Variants in GPHN observed in about 807,000 individuals in gnomAD.
The protein encoded by GPHN is gephyrin.
GPHN carries 17 observed loss-of-function variants against 95.5 expected under a neutral mutation model. The ratio of observed to expected loss-of-function variants is 0.18; its 90% CI spans 0.12 to 0.27. GPHN has a LOEUF of 0.27. GPHN is among the 10% of genes least tolerant of loss of function. The pLI is 1.00. For missense variants in GPHN, 660 were observed against 978.1 expected (o/e 0.67, Z 4.34); for synonymous variants, 320 against 322.5 (o/e 0.99, Z 0.08).
the GPHN span, among the ~76,000 whole-genome samples, chr14:67,402,629 A>G: frequency 6.6e-6 from 1 of 152,070 alleles, no homozygotes; most frequent in East Asian, 1.9e-4. Flanking sequence ...CTCTAAGTCC[A>G]TGAGTTGTTT....
chr14:67,034,497 A>G (rs1345794829), intron 10 of GPHN, among the ~76,000 whole-genome samples: 1 of 152,180 alleles, frequency 6.6e-6, no homozygotes, highest in East Asian at 1.9e-4. Flanking sequence ...GACAAAGTGA[A>G]TTAATGGATT....
rs145971101 is a variant in GPHN, at chr14:66,981,045, G to A, written c.963+15720G>A. On this transcript the variant is annotated intron_variant, in intron 9 of 22. Transcript: ENST00000478722. ...GCCTGGGCAACAAGAGTGAAACTCC[G>A]TCTCAAAAGAAAAAGATTTCCTAAG... is the stretch of plus-strand genomic sequence containing the variant. 1.5e-4 allele frequency among the ~76,000 whole-genome samples: 23 copies of A among 152,254 alleles called. No homozygotes were observed. The East Asian group carries it at 2.9e-3, about 19-fold the overall frequency.
the GPHN span, among the ~76,000 whole-genome samples, chr14:67,211,976 A>T: frequency 1.3e-5 from 2 of 152,264 alleles, no homozygotes; most frequent in African/African-American, 4.8e-5. Flanking sequence ...TGTCCTGGAT[A>T]GACTTTAAGC....
the GPHN span, among the ~76,000 whole-genome samples, chr14:67,523,474 T>A: frequency 3.7e-3 from 562 of 152,332 alleles, 2 homozygotes; most frequent in African/African-American, 0.013. Flanking sequence ...GTTATACAGG[T>A]AGCAAAGAAT....
At chr14:67,724,178 T>G in the GPHN span, among the ~76,000 whole-genome samples, 1 of 152,238 alleles carries the variant, frequency 6.6e-6, no homozygotes, top group Admixed American at 6.5e-5. Context: ...GATGTATTTA[T>G]TATCTAACAA....
chr14:67,205,613 A>G, the GPHN span, among the ~76,000 whole-genome samples: 1 of 152,222 alleles, frequency 6.6e-6, no homozygotes, highest in African/African-American at 2.4e-5. Flanking sequence ...AGAGAGTGGA[A>G]AAACAGAGAG....
At chr14:67,485,375 C>T in the GPHN span, among the ~76,000 whole-genome samples, 3 of 152,184 alleles carry the variant, frequency 2.0e-5, no homozygotes, top group Non-Finnish European at 4.4e-5. Context: ...TTTGTAAGCC[C>T]AGGCTGAGTG....
At chr14:66,687,977 A>C (rs2067509312) in intron 2 of GPHN, among the ~76,000 whole-genome samples, 2 of 152,262 alleles carry the variant, frequency 1.3e-5, no homozygotes, top group Middle Eastern at 6.8e-3. Flanking sequence ...CATGCTGTTG[A>C]ACATTTAGGT....
intron 1 of GPHN, among the ~76,000 whole-genome samples, chr14:66,532,885 A>G (rs2058999652): frequency 6.6e-6 from 1 of 152,148 alleles, no homozygotes; most frequent in South Asian, 2.1e-4. Context: ...CATTCAGAGG[A>G]CTGACTTTAT....
chr14:66,950,020 C>CAAAAAAAAAAAAAAAAAAAAAAA (rs2068001572), intron 8 of GPHN, among the ~76,000 whole-genome samples: 1 of 114,258 alleles, frequency 8.8e-6, no homozygotes. Context: ...AAAAAAAAAG[C>CAAAAAAAAAAAAAAAAAAAAAAA]ATAGATAAAG....
chr14:67,159,064 G>A (rs1435506033), intron 18 of GPHN, among the ~76,000 whole-genome samples: 6 of 152,156 alleles, frequency 3.9e-5, no homozygotes, highest in Middle Eastern at 6.8e-3. Context: ...AAACAATAAC[G>A]CACCAGCTAA....
chr14:67,026,021 G>A (rs2073905645), intron 10 of GPHN, among the ~76,000 whole-genome samples: 1 of 152,096 alleles, frequency 6.6e-6, no homozygotes, highest in African/African-American at 2.4e-5. Context: ...TCCTTTCTGT[G>A]ACTCTGACTC....
the GPHN span, among the ~76,000 whole-genome samples, chr14:67,322,491 C>G: frequency 1.3e-5 from 2 of 152,092 alleles, no homozygotes; most frequent in African/African-American, 4.8e-5. Flanking sequence ...CTGCTCATGT[C>G]AAATTAGGCA....
intron 13 of GPHN, among the ~76,000 whole-genome samples, chr14:67,105,436 A>G (rs1260299923): frequency 1.3e-5 from 2 of 152,120 alleles, no homozygotes; most frequent in African/African-American, 4.8e-5. Flanking sequence ...TAGGGTGTCA[A>G]ACTCCCCAAA....
chr14:67,666,095 AT>A, the GPHN span, among the ~76,000 whole-genome samples: 2 of 152,228 alleles, frequency 1.3e-5, no homozygotes, highest in African/African-American at 4.8e-5. Context: ...GAGTCAGCAC[AT>A]CTCCAAACTC....
At chr14:67,260,582 A>G in the GPHN span, among the ~76,000 whole-genome samples, 1 of 152,172 alleles carries the variant, frequency 6.6e-6, no homozygotes, top group Non-Finnish European at 1.5e-5. Context: ...GAGAGAGGGC[A>G]GGCAAAATTA....
chr14:66,784,654 A>G (rs1162874662), intron 3 of GPHN, among the ~76,000 whole-genome samples: 1 of 152,212 alleles, frequency 6.6e-6, no homozygotes, highest in Non-Finnish European at 1.5e-5. Flanking sequence ...ATAAAATGTC[A>G]ATACTGGTAG....
intron 8 of GPHN, among the ~76,000 whole-genome samples, chr14:66,932,991 C>G (rs2066907349): frequency 6.6e-6 from 1 of 152,184 alleles, no homozygotes; most frequent in Admixed American, 6.5e-5. Flanking sequence ...ACTGTTCTAA[C>G]TGGATGTTCT....
At chr14:66,834,353 A>T (rs549486234) in intron 4 of GPHN, among the ~76,000 whole-genome samples, 1 of 152,316 alleles carries the variant, frequency 6.6e-6, no homozygotes, top group South Asian at 2.1e-4. Context: ...ACAGGTACAA[A>T]ATTAGACCAT....
Sources: allele counts gnomAD v4.1 joint callset (sites outside exome capture counted in the v4.1 genomes callset), GRCh38; gene constraint gnomAD v4.1.1; transcripts MANE v1.5; gene names NCBI Gene and HGNC (gene_info 2026-07-23, HGNC 2026-07-21).